NLRP1: variants seen among roughly 807,000 people sequenced by gnomAD.
NLRP1 encodes NLR family pyrin domain containing 1.
Under a neutral mutation model 136.7 loss-of-function variants are expected in NLRP1, and 94 were observed. The observed-to-expected ratio is 0.69, with a 90% CI of 0.58 to 0.82. The LOEUF (loss-of-function observed/expected upper bound fraction) is 0.82, where lower values mean the gene tolerates loss of function less well. Among genes scored for constraint, NLRP1 ranks in the 40% least tolerant of loss-of-function variants. NLRP1 has a pLI of 0.00. For missense variants in NLRP1, 1,575 were observed against 1,802.7 expected (o/e 0.87, Z 2.29); for synonymous variants, 690 against 725.1 (o/e 0.95, Z 0.78).
chr17:5,555,864 A>G (rs1242874695), intron 4 of NLRP1, among the ~76,000 whole-genome samples: 1 of 144,902 alleles, frequency 6.9e-6, no homozygotes, highest in East Asian at 2.1e-4. Context: ...AGGCTGAGGC[A>G]GAAGGATCAT....
At position 5,542,131 on chromosome 17, in the gene NLRP1, C is replaced by T. The variant is rs1051066817; in HGVS notation, c.2529-104G>A. 1.2e-5 allele frequency: 14 copies of T among 1,158,678 alleles called. No individual in the cohort carries two copies. The Admixed American group carries it at 3.2e-4, about 26-fold the overall frequency. 71.8% of individuals were successfully genotyped at this position (1,158,678 alleles called of 1,614,324 possible). On this transcript the variant is annotated intron_variant, in intron 5 of 16. Coordinates refer to ENST00000572272, the MANE Select transcript of NLRP1 (RefSeq NM_033004.4). ...CCTACTATGCACCAGGCCTGTGGGCCAGGCAGAGGTCTAGAAAACCCTCCC... is the reference window on the plus strand; with the variant it reads ...CCTACTATGCACCAGGCCTGTGGGCTAGGCAGAGGTCTAGAAAACCCTCCC...
chr17:5,519,899 T>C (rs987912938), intron 14 of NLRP1, among the ~76,000 whole-genome samples: 7 of 124,928 alleles, frequency 5.6e-5, no homozygotes, highest in African/African-American at 2.1e-4. Flanking sequence ...CTCTATCACC[T>C]AGGCTGGAGT....
At chr17:5,508,469 A>G (rs887679684) in intron 15 of NLRP1, among the ~76,000 whole-genome samples, 1 of 148,998 alleles carries the variant, frequency 6.7e-6, no homozygotes, top group Non-Finnish European at 1.5e-5. Context: ...CTATTGCAAA[A>G]TATAGAAAGT....
intron 12 of NLRP1, among the ~76,000 whole-genome samples, chr17:5,524,789 G>A (rs900976045): frequency 6.6e-6 from 1 of 152,218 alleles, no homozygotes; most frequent in African/African-American, 2.4e-5. Flanking sequence ...GGTGCCACTT[G>A]AATTTTTGCT....
chr17:5,575,207 T>C (rs1282649023), intron 3 of NLRP1, among the ~76,000 whole-genome samples: 1 of 152,148 alleles, frequency 6.6e-6, no homozygotes, highest in Non-Finnish European at 1.5e-5. Flanking sequence ...AGGAAGAAAC[T>C]GCATCAACTC....
chr17:5,505,749 A>G (rs1907300049), intron 15 of NLRP1: 1 of 152,264 alleles, frequency 6.6e-6, no homozygotes. Flanking sequence ...GTGAGGTTCT[A>G]CATCAAATGA....
At chr17:5,512,068 G>A, downstream of NLRP1, 1 of 706,560 alleles carries the variant, frequency 1.4e-6, no homozygotes, top group Non-Finnish European at 2.6e-6. Context: ...AGGTATTTTT[G>A]TTTTGGGTTT....
At chr17:5,530,105 C>A (rs1029691985) in intron 12 of NLRP1, 1 of 459,610 alleles carries the variant, frequency 2.2e-6, no homozygotes. Context: ...CCCTGTTGCC[C>A]CAACATTCTT....
chr17:5,532,922 CT>C lies in NLRP1; in HGVS notation c.3195del (p.Asp1067ThrfsTer24). 2 of 1,614,054 alleles carry C rather than the reference CT, an allele frequency of 1.2e-6. No homozygotes were observed. ...ELLCVPSPAS[Q>X]GDLHTKPLGT... Reference sequence around the variant, plus strand: ...CCCAAAGGCTTCGTATGCAGGTCCCCTTGAGAGGCAGGAGAAGGCACGCACA... The same window carrying C: ...CCCAAAGGCTTCGTATGCAGGTCCCCTGAGAGGCAGGAGAAGGCACGCACA... On this transcript the variant is annotated frameshift_variant, in exon 11 of 17. Coordinates refer to ENST00000572272, the MANE Select transcript of NLRP1 (RefSeq NM_033004.4). LOFTEE classifies it high-confidence loss of function.
intron 15 of NLRP1, chr17:5,503,347 G>T (rs1272425231): frequency 6.6e-6 from 1 of 152,364 alleles, no homozygotes; most frequent in Non-Finnish European, 1.5e-5. Flanking sequence ...AACCAAGAGG[G>T]TCTCGGGCAG....
intron 12 of NLRP1, among the ~76,000 whole-genome samples, chr17:5,528,431 C>G (rs1909828427): frequency 6.6e-6 from 1 of 152,158 alleles, no homozygotes; most frequent in Non-Finnish European, 1.5e-5. Context: ...GGGACCTTCC[C>G]TAGGGAATGC....
chr17:5,560,761 G>A (rs1392220723), intron 3 of NLRP1, among the ~76,000 whole-genome samples: 2 of 152,134 alleles, frequency 1.3e-5, no homozygotes, highest in South Asian at 2.1e-4. Context: ...CCTTTCCTGG[G>A]TTTCCCCGCC....
chr17:5,583,116 G>T lies in NLRP1; in HGVS notation c.272-270C>A, dbSNP rs1462960010. Among the ~76,000 whole-genome samples the T allele has an allele frequency of 6.6e-6, 1 of 152,124 alleles. No homozygotes were observed. Among genetic ancestry groups the T allele is most frequent in the East Asian group, 1.9e-4 (1 of 5,186 alleles). On this transcript the variant is annotated intron_variant, in intron 1 of 16. Transcript: ENST00000572272. The surrounding 1 kb of genome is among the most constrained non-coding windows in gnomAD (Gnocchi z 4.5). ...CTGTGTAAATCACTACTCCTACTGA[G>T]CCTCAGCTGTGCTTTATTGGGCCAA...
At chr17:5,511,758 T>TTTCTTTCTCTTTCTTTTTCTTTC (rs1297972314), downstream of NLRP1, among the ~76,000 whole-genome samples, 4 of 145,686 alleles carry the variant, frequency 2.7e-5, no homozygotes, top group African/African-American at 1.1e-4. Context: ...CTCTTTTCTT[T>TTTCTTTCTCTTTCTTTTTCTTTC]TTCTTTCTCT....
intron 3 of NLRP1, among the ~76,000 whole-genome samples, chr17:5,579,553 ACTATCATTCAAT>A (rs1166149954): frequency 6.6e-6 from 1 of 152,228 alleles, no homozygotes; most frequent in Non-Finnish European, 1.5e-5. Context: ...AGAACTCTGA[ACTATCATTCAAT>A]CTAGCAATCC....
intron 8 of NLRP1, 139 bp downstream of exon 8, chr17:5,536,712 C>A: frequency 3.3e-6 from 2 of 609,042 alleles, no homozygotes; most frequent in Admixed American, 2.5e-5. Context: ...CTTGCACTGA[C>A]AAGTGCACCT....
intron 7 of NLRP1, among the ~76,000 whole-genome samples, chr17:5,538,336 C>T (rs1911373551): frequency 6.8e-6 from 1 of 147,760 alleles, no homozygotes; most frequent in Admixed American, 6.7e-5. Flanking sequence ...TGGGGGCTCA[C>T]TCCACTCAGG....
chr17:5,580,117 C>G (rs1905450557), intron 3 of NLRP1, among the ~76,000 whole-genome samples: 1 of 152,046 alleles, frequency 6.6e-6, no homozygotes, highest in African/African-American at 2.4e-5. Context: ...CACCTGTAGT[C>G]CCAGCGACTC....
At position 5,542,591 on chromosome 17, in the gene NLRP1, C is replaced by T. The variant is rs370465944; in HGVS notation, c.2529-564G>A. Among the ~76,000 whole-genome samples the T allele has an allele frequency of 2.0e-5, 3 of 152,278 alleles. No individual in the cohort carries two copies. The East Asian group carries it at 5.8e-4, about 29-fold the overall frequency. ...ACACCCATCCCCAGACTCCCTGCTC[C>T]TTTCTGCTTTACTTTTCTCTATAGC... On this transcript the variant is annotated intron_variant, in intron 5 of 16. Coordinates refer to ENST00000572272, the MANE Select transcript of NLRP1 (RefSeq NM_033004.4).
Sources: gnomAD v4.1 joint callset for allele counts (sites outside exome capture counted in the v4.1 genomes callset) on GRCh38, gnomAD v4.1.1 for gene constraint, Gnocchi (gnomAD v3.1) non-coding constraint, MANE v1.5 for transcripts, NCBI Gene and HGNC (gene_info 2026-07-23, HGNC 2026-07-21) for gene names.